TMED5: variants seen among roughly 807,000 people sequenced by gnomAD.
The protein encoded by TMED5 is transmembrane p24 trafficking protein 5, also known as transmembrane emp24 domain-containing protein 5.
TMED5 carries 27 observed loss-of-function variants against 23.0 expected under a neutral mutation model. The observed-to-expected ratio is 1.17, with a 90% confidence interval of 0.86 to 1.62. The LOEUF is 1.62. TMED5 is among the 40% of genes most tolerant of loss of function. The probability of loss-of-function intolerance (pLI) is 0.00; values close to 1 mark genes in which losing one functional copy is unlikely to be tolerated. For missense variants in TMED5, 248 were observed against 273.7 expected (o/e 0.91, Z 0.66); for synonymous variants, 97 against 100.8 (o/e 0.96, Z 0.23).
At position 93,160,236 on chromosome 1, in the gene TMED5, A is replaced by G. The variant is rs760050951; in HGVS notation, c.190-10T>C. The G allele has an allele frequency of 4.6e-6, 7 of 1,520,602 alleles. No individual in the cohort carries two copies. The highest frequency in any genetic ancestry group is 6.4e-6 in the Non-Finnish European group (7 of 1,099,782). The allele number at this position is 1,520,602 out of a possible 1,614,324, so 94.2% of individuals were successfully genotyped here. ...CTGCTCCATCTAAAACCTGTAGAAA[A>G]GCATACATGAGAAAAACATATATTA... On this transcript the variant is annotated splice_polypyrimidine_tract_variant and intron_variant, in intron 1 of 3. Transcript: ENST00000370282.
At chr1:93,169,030 G>C (rs1648605621) in intron 1 of TMED5, among the ~76,000 whole-genome samples, 1 of 152,164 alleles carries the variant, frequency 6.6e-6, no homozygotes, top group African/African-American at 2.4e-5. Flanking sequence ...ATCAGTAATT[G>C]ACCAAGCCAA....
At chr1:93,157,470 C>G (rs972354534) in intron 2 of TMED5, among the ~76,000 whole-genome samples, 4 of 152,118 alleles carry the variant, frequency 2.6e-5, no homozygotes, top group Admixed American at 2.0e-4. Context: ...TGGCTCATAC[C>G]TACAATCACA....
rs201008342 is a variant in TMED5, at chr1:93,175,175, T to TTATATATATATATATATATATA, written c.189+4857_189+4878dup. Among the ~76,000 whole-genome samples, 327 of 119,750 alleles carry TTATATATATATATATATATATA rather than the reference T, an allele frequency of 2.7e-3. 4 individuals are homozygous for TTATATATATATATATATATATA. Among genetic ancestry groups the TTATATATATATATATATATATA allele is most frequent in the African/African-American group, 0.012 (289 of 24,864 alleles). The allele number at this position is 119,750 out of a possible 152,430, so 78.6% of individuals were successfully genotyped here. ...TATTTATATAATACTTAAAAGCCAT[T>TTATATATATATATATATATATA]TATATATATATATATATATATATAT... On this transcript the variant is annotated intron_variant, in intron 1 of 3. Coordinates refer to ENST00000370282, the MANE Select transcript of TMED5 (RefSeq NM_016040.5).
chr1:93,171,029 T>C (rs1019583304), intron 1 of TMED5, among the ~76,000 whole-genome samples: 16 of 152,186 alleles, frequency 1.1e-4, no homozygotes, highest in African/African-American at 3.6e-4. Flanking sequence ...TTGTACACTG[T>C]GGAAGCTTTG....
At position 93,170,346 on chromosome 1, in the gene TMED5, G is replaced by A. The variant is rs892058611; in HGVS notation, c.189+9708C>T. 3.3e-5 allele frequency among the ~76,000 whole-genome samples: 5 copies of A among 152,328 alleles called. No individual in the cohort carries two copies. The East Asian group carries it at 7.7e-4, about 24-fold the overall frequency. On this transcript the variant is annotated intron_variant, in intron 1 of 3. Coordinates refer to ENST00000370282, the MANE Select transcript of TMED5 (RefSeq NM_016040.5). The stretch of plus-strand genomic sequence containing the variant: ...AGTTCCGGGTGGGCGTGGGCTCCGC[G>A]GCCCCGCACTGGGAGCGGCCGGCCG...
Position 93,154,713 on chromosome 1 carries a change from A to T in TMED5, c.647T>A (p.Met216Lys). ...CTTATCTTCAAACAGACTCTTCAGC[A>T]TATAAACTTGAATGGCTGACACCAC... is the stretch of plus-strand genomic sequence containing the variant. ...MVVVSAIQVY[M>K]LKSLFEDKRK... The change falls in exon 4 of 4, where the codon ATG (methionine) becomes AAG (lysine). Residue 216 changes from methionine to lysine, a missense_variant. Physicochemically the swap from Met to Lys is moderately conservative, Grantham distance 95. Coordinates refer to ENST00000370282, the MANE Select transcript of TMED5 (RefSeq NM_016040.5). 1 of 1,614,026 alleles carries T rather than the reference A, an allele frequency of 6.2e-7. No individual in the cohort carries two copies. Among genetic ancestry groups the T allele is most frequent in the Non-Finnish European group, 8.5e-7 (1 of 1,179,990 alleles).
chr1:93,158,579 T>TG (rs1648155384), intron 2 of TMED5, among the ~76,000 whole-genome samples: 1 of 150,830 alleles, frequency 6.6e-6, no homozygotes, highest in Non-Finnish European at 1.5e-5. Flanking sequence ...CATTTTTAGT[T>TG]TTGTTTTTTT....
chr1:93,175,113 T>C (rs533336129), intron 1 of TMED5, among the ~76,000 whole-genome samples: 3 of 143,806 alleles, frequency 2.1e-5, no homozygotes, highest in East Asian at 2.0e-4. Flanking sequence ...TTATTAAATA[T>C]ATTATTCTCC....
rs1647844424 is a variant in TMED5 at position 93,150,739 on chromosome 1, TG to T, written c.*3930del. 1 of 152,244 alleles carries T rather than the reference TG, an allele frequency of 6.6e-6. No homozygotes were observed. Among genetic ancestry groups the T allele is most frequent in the South Asian group, 2.1e-4 (1 of 4,830 alleles). 9.4% of individuals were successfully genotyped at this position (152,244 alleles called of 1,614,324 possible). A position where few individuals can be genotyped will look rare whatever the true frequency, so the allele number is the denominator to read the frequency against. On this transcript the variant is annotated 3_prime_UTR_variant, in exon 4 of 4. Transcript: ENST00000370282. ...GTCCAGCCTCCCATTTCATATTAGC[TG>T]TAGTAACAATCCCCTTTACAACATT...
At chr1:93,179,082 C>T (rs952963167) in intron 1 of TMED5, among the ~76,000 whole-genome samples, 1 of 152,226 alleles carries the variant, frequency 6.6e-6, no homozygotes, top group Non-Finnish European at 1.5e-5. Context: ...AGAAAACATG[C>T]TAGGCATGGT....
rs138776730 is a variant in TMED5 at position 93,154,798 on chromosome 1, G to A, written c.562C>T (p.Gln188Ter). The A allele has an allele frequency of 2.1e-5, 34 of 1,613,902 alleles. No individual in the cohort carries two copies. The highest frequency in any genetic ancestry group is 2.9e-5 in the Non-Finnish European group (34 of 1,179,954). Reference sequence around the variant, plus strand: ...TTGACTCTATCAAAGTTGCTTTCTTGTATGTTTCGATCACGAGCTTCAAAT... The same window carrying A: ...TTGACTCTATCAAAGTTGCTTTCTTATATGTTTCGATCACGAGCTTCAAAT... ...RAFEARDRNIQESNFDRVNFW... is the reference protein window; with the variant it reads ...RAFEARDRNI The change falls in exon 4 of 4, where the codon CAA (glutamine) becomes TAA (stop). Residue 188 changes from glutamine (Q) to a stop codon, truncating the protein, a stop_gained. Transcript: ENST00000370282. LOFTEE classifies it high-confidence loss of function.
At chr1:93,168,822 G>A (rs999175003) in intron 1 of TMED5, among the ~76,000 whole-genome samples, 9 of 152,148 alleles carry the variant, frequency 5.9e-5, no homozygotes, top group Non-Finnish European at 8.8e-5. Context: ...GCGACAGAGC[G>A]AGCAAGACTC....
At chr1:93,155,540 T>G (rs973642954) in intron 3 of TMED5, among the ~76,000 whole-genome samples, 3 of 151,756 alleles carry the variant, frequency 2.0e-5, no homozygotes, top group South Asian at 2.1e-4. Context: ...AGGTTTTTTT[T>G]TTTTTTTTTT....
chr1:93,158,966 A>G, intron 2 of TMED5: 1 of 483,956 alleles, frequency 2.1e-6, no homozygotes, highest in Non-Finnish European at 2.7e-6. Context: ...TTATTTAGTA[A>G]TAGCTTATGC....
chr1:93,158,286 G>A (rs950289140), intron 2 of TMED5, among the ~76,000 whole-genome samples: 7 of 152,048 alleles, frequency 4.6e-5, no homozygotes, highest in Admixed American at 3.3e-4. Flanking sequence ...TAATATTTAC[G>A]TCATAGGACT....
chr1:93,153,077 TACTA>T lies in TMED5; in HGVS notation c.*1589_*1592del, dbSNP rs1647934232. The T allele has an allele frequency of 6.6e-6, 1 of 152,586 alleles. No individual in the cohort carries two copies. Among genetic ancestry groups the T allele is most frequent in the Non-Finnish European group, 1.5e-5 (1 of 68,008 alleles). The allele number at this position is 152,586 out of a possible 1,614,324, so 9.5% of individuals were successfully genotyped here. ...TATTGCTCATCAAGAATTCCAGCATTACTAACCTGTTGAGGGGTTCTATACCCCA... is the reference window on the plus strand; with the variant it reads ...TATTGCTCATCAAGAATTCCAGCATTACCTGTTGAGGGGTTCTATACCCCA... On this transcript the variant is annotated 3_prime_UTR_variant, in exon 4 of 4. Coordinates refer to ENST00000370282, the MANE Select transcript of TMED5 (RefSeq NM_016040.5).
chr1:93,157,834 A>G (rs901641709), intron 2 of TMED5, among the ~76,000 whole-genome samples: 2 of 152,226 alleles, frequency 1.3e-5, no homozygotes, highest in African/African-American at 2.4e-5. Flanking sequence ...TTTAAAAAAC[A>G]GATTTGTAGG....
At chr1:93,157,202 C>T (rs1410034044) in intron 2 of TMED5, among the ~76,000 whole-genome samples, 1 of 152,198 alleles carries the variant, frequency 6.6e-6, no homozygotes, top group Admixed American at 6.5e-5. Context: ...TAAATGTCTT[C>T]TTCCAGGCCT....
At chr1:93,170,528 T>G (rs1000506879) in intron 1 of TMED5, among the ~76,000 whole-genome samples, 1 of 152,206 alleles carries the variant, frequency 6.6e-6, no homozygotes, top group African/African-American at 2.4e-5. Context: ...TGTGGGCTCC[T>G]GCGCGGCCCA....
Sources: gnomAD v4.1 joint callset for allele counts (sites outside exome capture counted in the v4.1 genomes callset) on GRCh38, gnomAD v4.1.1 for gene constraint, MANE v1.5 for transcripts, NCBI Gene and HGNC (gene_info 2026-07-23, HGNC 2026-07-21) for gene names.